INPP4A: variants seen among roughly 807,000 people sequenced by gnomAD.
INPP4A encodes the protein inositol polyphosphate-4-phosphatase type I A.
INPP4A carries 33 observed loss-of-function variants against 119.8 expected under a neutral mutation model. That is an observed-to-expected ratio of 0.28 (90% CI 0.21 to 0.37). The LOEUF is 0.37. Ranked by LOEUF, INPP4A falls within the 10% of genes least tolerant of loss-of-function variation. INPP4A has a pLI of 1.00. For missense variants in INPP4A, 956 were observed against 1,289.9 expected, an observed-to-expected ratio of 0.74 and a Z score of 3.97; for synonymous variants, 496 against 500.7, an observed-to-expected ratio of 0.99 and a Z score of 0.12.
At chr2:98,536,271 G>T in intron 7 of INPP4A, 63 bp downstream of exon 7, 3 of 998,818 alleles carry the variant, frequency 3.0e-6, no homozygotes, top group Non-Finnish European at 4.7e-6. Flanking sequence ...GACAGATGGG[G>T]AAAGGACCCA....
chr2:98,577,229 G>A (rs1291603339), intron 24 of INPP4A, 86 bp downstream of exon 24: 1 of 1,387,654 alleles, frequency 7.2e-7, no homozygotes, highest in Non-Finnish European at 9.7e-7. Flanking sequence ...CTGCCTGCAG[G>A]GCCTACCCTG....
chr2:98,567,760 G>A (rs1696735573), intron 21 of INPP4A, among the ~76,000 whole-genome samples: 1 of 152,180 alleles, frequency 6.6e-6, no homozygotes, highest in Non-Finnish European at 1.5e-5. Context: ...CAGAGGGGAG[G>A]CCACAGGCCC....
At chr2:98,473,634 CAGTG>C (rs1326430936) in intron 1 of INPP4A, among the ~76,000 whole-genome samples, 10 of 152,088 alleles carry the variant, frequency 6.6e-5, no homozygotes, top group African/African-American at 2.4e-4. Context: ...AGGTGCCACT[CAGTG>C]AGTGACCTCA....
intron 16 of INPP4A, 43 bp downstream of exon 16, chr2:98,555,851 C>T: frequency 6.6e-6 from 10 of 1,517,244 alleles, no homozygotes; most frequent in South Asian, 1.3e-5. Flanking sequence ...CTCCATTTCA[C>T]CTTGTGCTGC....
At chr2:98,581,471 C>G in intron 24 of INPP4A, 1 of 1,112,054 alleles carries the variant, frequency 9.0e-7, no homozygotes, top group Non-Finnish European at 1.2e-6. Flanking sequence ...TCTTGTTTAT[C>G]CCATCCTTTT....
chr2:98,511,248 A>AG (rs1415823014), intron 1 of INPP4A, among the ~76,000 whole-genome samples: 1 of 152,116 alleles, frequency 6.6e-6, no homozygotes, highest in Admixed American at 6.5e-5. Flanking sequence ...TTTAGTAGAA[A>AG]GGGGTTTCAC....
intron 22 of INPP4A, 60 bp from the exon 23 acceptor site, chr2:98,572,755 C>G (rs540104046): frequency 1.6e-6 from 2 of 1,260,112 alleles, no homozygotes; most frequent in African/African-American, 1.5e-5. Context: ...GGTGGGCTCC[C>G]TCTGCCGGGG....
chr2:98,567,931 G>A (rs1459076842), intron 21 of INPP4A, among the ~76,000 whole-genome samples: 1 of 152,234 alleles, frequency 6.6e-6, no homozygotes, highest in Non-Finnish European at 1.5e-5. Context: ...CAGCAGGGAT[G>A]TGTGAGACTG....
In INPP4A at chr2:98,539,668, G is replaced by A. The variant is rs1477914154; in HGVS notation, c.811G>A (p.Ala271Thr). 1.2e-6 allele frequency: 2 copies of A among 1,607,446 alleles called. No individual in the cohort carries two copies. Among genetic ancestry groups the A allele is most frequent in the Non-Finnish European group, 1.7e-6 (2 of 1,177,238 alleles). ...CGTGAAGCTCCTACTAGAGGAAGAT[G>A]CAGCCAGGTGAGGCCACATGGAAGG... The part of the protein sequence containing the change: ...QFVKLLLEED[A>T]ARVCELEELG... The change falls in exon 10 of 25, where the codon GCA becomes ACA. Residue 271 changes from alanine to threonine, a missense_variant. Around this residue, in one of 2 missense-constraint regions of INPP4A, gnomAD observed 652 missense variants for 797.9 expected, o/e 0.82. Transcript: ENST00000409851.
intron 2 of INPP4A, 116 bp from the exon 3 acceptor site, chr2:98,519,830 G>A: frequency 1.8e-6 from 1 of 544,848 alleles, no homozygotes; most frequent in Non-Finnish European, 3.4e-6. Context: ...TTCCTCACAT[G>A]CTGGGGAACC....
At chr2:98,488,979 G>A (rs1298913245) in intron 1 of INPP4A, among the ~76,000 whole-genome samples, 1 of 147,474 alleles carries the variant, frequency 6.8e-6, no homozygotes, top group Admixed American at 6.8e-5. Context: ...GTGTGTGTGT[G>A]TGTGTAAATG....
intron 1 of INPP4A, among the ~76,000 whole-genome samples, chr2:98,487,953 G>A (rs545050219): frequency 1.3e-5 from 2 of 152,130 alleles, no homozygotes; most frequent in Admixed American, 6.5e-5. Flanking sequence ...GCAGTGTTAC[G>A]TGCCCAGGGT....
intron 19 of INPP4A, 47 bp from the exon 20 acceptor site, chr2:98,565,593 G>A: frequency 6.4e-7 from 1 of 1,568,068 alleles, no homozygotes; most frequent in Non-Finnish European, 8.7e-7. Flanking sequence ...ACTGGGGAGA[G>A]TAGCAGGGCC....
intron 1 of INPP4A, among the ~76,000 whole-genome samples, chr2:98,511,692 C>T (rs1456200099): frequency 6.6e-6 from 1 of 152,162 alleles, no homozygotes; most frequent in Non-Finnish European, 1.5e-5. Context: ...TGAATTCCTT[C>T]CAACAGTAGT....
At chr2:98,521,010 C>A in intron 4 of INPP4A, 2 of 320,770 alleles carry the variant, frequency 6.2e-6, no homozygotes, top group Non-Finnish European at 1.1e-5. Flanking sequence ...GGGAGGTGAG[C>A]CCACCTAGAG....
At position 98,572,722 on chromosome 2, in the gene INPP4A, T is replaced by C. The variant is rs1412356190; in HGVS notation, c.2519-93T>C. On this transcript the variant is annotated intron_variant, in intron 22 of 24. Transcript: ENST00000409851. ...AACCGGGAACTCATTGTTTTACCAC[T>C]GTGTGCCCCAGCAGCTCACTTGGGT... 4 of 762,268 alleles carry C rather than the reference T, an allele frequency of 5.2e-6. No individual in the cohort carries two copies. The East Asian group carries it at 1.1e-4, about 21-fold the overall frequency. The allele number at this position is 762,268 out of a possible 1,614,324, so 47.2% of individuals were successfully genotyped here. A position where few individuals can be genotyped will look rare whatever the true frequency, so the allele number is the denominator to read the frequency against.
chr2:98,447,054 G>T (rs1694317235), intron 1 of INPP4A, among the ~76,000 whole-genome samples: 1 of 152,180 alleles, frequency 6.6e-6, no homozygotes, highest in Non-Finnish European at 1.5e-5. Flanking sequence ...CCTGAAGGCG[G>T]TGTGGGACCG....
At chr2:98,477,684 C>G (rs1382713685) in intron 1 of INPP4A, among the ~76,000 whole-genome samples, 4 of 152,220 alleles carry the variant, frequency 2.6e-5, no homozygotes, top group African/African-American at 7.2e-5. Flanking sequence ...AGTGACTATC[C>G]TTGTTCAACC....
chr2:98,458,770 A>G (rs1488907420), intron 1 of INPP4A, among the ~76,000 whole-genome samples: 1 of 152,196 alleles, frequency 6.6e-6, no homozygotes, highest in Non-Finnish European at 1.5e-5. Context: ...GCATGTATGC[A>G]GAGAGTGAGG....
Sources: allele counts gnomAD v4.1 joint callset (sites outside exome capture counted in the v4.1 genomes callset), GRCh38; gene constraint gnomAD v4.1.1; regional missense constraint gnomAD v4.1.1; transcripts MANE v1.5; gene names NCBI Gene and HGNC (gene_info 2026-07-23, HGNC 2026-07-21).